Variants in THSD7A observed in about 807,000 individuals in gnomAD.
THSD7A encodes the protein thrombospondin type 1 domain containing 7A, also known as thrombospondin type-1 domain-containing protein 7A.
Under a neutral mutation model 231.3 loss-of-function variants are expected in THSD7A, and 96 were observed. The ratio of observed to expected loss-of-function variants is 0.41; its 90% CI spans 0.35 to 0.49. The LOEUF (loss-of-function observed/expected upper bound fraction) is 0.49. THSD7A is among the 20% of genes least tolerant of loss of function. The pLI, the probability that THSD7A is intolerant of heterozygous loss-of-function variation, is 0.05. For missense variants in THSD7A, 2,290 were observed against 2,070.2 expected (o/e 1.11, Z -2.06); for synonymous variants, 940 against 743.3 (o/e 1.26, Z -4.30).
At chr7:11,501,953 T>C (rs1488757877) in intron 6 of THSD7A, among the ~76,000 whole-genome samples, 1 of 152,056 alleles carries the variant, frequency 6.6e-6, no homozygotes, top group East Asian at 1.9e-4. Context: ...ATGTTACCAC[T>C]GATCCCACAG....
chr7:11,538,138 T>C (rs923881357), intron 6 of THSD7A, among the ~76,000 whole-genome samples: 9 of 152,212 alleles, frequency 5.9e-5, no homozygotes, highest in African/African-American at 1.9e-4. Flanking sequence ...GCCCATGTCA[T>C]TGGTTAACTT....
chr7:11,645,721 T>A (rs1782255108), intron 1 of THSD7A, among the ~76,000 whole-genome samples: 1 of 151,848 alleles, frequency 6.6e-6, no homozygotes, highest in African/African-American at 2.4e-5. Flanking sequence ...ATGTTTTATT[T>A]CATATTTATA....
chr7:11,640,838 A>G (rs570235323), intron 1 of THSD7A, among the ~76,000 whole-genome samples: 1 of 152,284 alleles, frequency 6.6e-6, no homozygotes, highest in African/African-American at 2.4e-5. Flanking sequence ...TTATAACACC[A>G]TGAATCAAAT....
rs1268720155 is a variant in THSD7A at position 11,406,308 on chromosome 7, G to T, written c.4229C>A (p.Pro1410His). Residue 1410 changes from proline (P) to histidine (H), a missense_variant, in exon 22 of 28, where the codon CCT (proline) becomes CAT (histidine). Pro to His is a moderately conservative substitution (Grantham distance 77). Transcript: ENST00000423059. This position sits in a 1 kb window ranked among gnomAD's most constrained non-coding sequence, Gnocchi z 4.7. ...TCCTTTGCCGTTGTTACCTGGGCAA[G>T]GCTGGCTGCAGGATTCCTCCAGAAC... Reference protein sequence around the residue: ...NMVLEESCSQPCPGDCYLKDW... With the variant: ...NMVLEESCSQHCPGDCYLKDW... 6.2e-7 allele frequency: 1 copy of T among 1,608,358 alleles called. No individual in the cohort carries two copies. Among genetic ancestry groups the T allele is most frequent in the African/African-American group, 1.3e-5 (1 of 74,672 alleles).
intron 23 of THSD7A, among the ~76,000 whole-genome samples, chr7:11,399,959 C>T (rs1363442363): frequency 2.0e-5 from 3 of 152,064 alleles, no homozygotes; most frequent in Non-Finnish European, 2.9e-5. Flanking sequence ...GGCACATATA[C>T]ACCATGGAAT....
At chr7:11,512,159 A>T (rs559158396) in intron 6 of THSD7A, among the ~76,000 whole-genome samples, 1 of 152,338 alleles carries the variant, frequency 6.6e-6, no homozygotes, top group African/African-American at 2.4e-5. Context: ...GAAGACATTT[A>T]TGTAGCCAAA....
intron 1 of THSD7A, among the ~76,000 whole-genome samples, chr7:11,673,976 G>A (rs1783526816): frequency 6.6e-6 from 1 of 151,954 alleles, no homozygotes; most frequent in South Asian, 2.1e-4. Context: ...GCCCTGTCCA[G>A]GGATCTTCGA....
chr7:11,745,148 G>A (rs1321545996), intron 1 of THSD7A, among the ~76,000 whole-genome samples: 3 of 152,128 alleles, frequency 2.0e-5, no homozygotes, highest in Non-Finnish European at 4.4e-5. Context: ...ACTGGTGTGA[G>A]ATGGTATCTC....
In THSD7A at chr7:11,446,462, A is replaced by G; in HGVS notation, c.2801-138T>C. ...TAACAGTAGCCTATAAATCAATGCT[A>G]TTTTCTCATTCCACAGTGTTTTCTA... On this transcript the variant is annotated intron_variant, in intron 12 of 27. Transcript: ENST00000423059. The surrounding 1 kb of genome is among the most constrained non-coding windows in gnomAD (Gnocchi z 4.0). The G allele has an allele frequency of 9.8e-7, 1 of 1,017,794 alleles. No homozygotes were observed. The highest frequency in any genetic ancestry group is 1.4e-6 in the Non-Finnish European group (1 of 699,304). The allele number at this position is 1,017,794 out of a possible 1,614,324, so 63.0% of individuals were successfully genotyped here. A position where few individuals can be genotyped will look rare whatever the true frequency, so the allele number is the denominator to read the frequency against.
intron 7 of THSD7A, among the ~76,000 whole-genome samples, chr7:11,476,354 CACACACACCATT>C (rs1562640773): frequency 6.7e-6 from 1 of 149,992 alleles, no homozygotes; most frequent in African/African-American, 2.5e-5. Context: ...CACACACACA[CACACACACCATT>C]TTTTTAAGTG....
At chr7:11,426,925 C>T (rs1191051905) in intron 14 of THSD7A, among the ~76,000 whole-genome samples, 1 of 152,046 alleles carries the variant, frequency 6.6e-6, no homozygotes, top group Non-Finnish European at 1.5e-5. Flanking sequence ...ATTAGATGGG[C>T]AGGATGGAGA....
chr7:11,636,792 C>T lies in THSD7A; in HGVS notation c.360G>A (p.Glu120=). The change falls in exon 2 of 28, where the codon GAG becomes GAA. Residue 120 remains glutamate (E), a synonymous_variant. Coordinates refer to ENST00000423059, the MANE Select transcript of THSD7A (RefSeq NM_015204.3). The surrounding 1 kb of genome is among the most constrained non-coding windows in gnomAD (Gnocchi z 10.0). The stretch of plus-strand genomic sequence containing the variant: ...AAGGTCCCAGTCTCCAGTCGTACAA[C>T]TCTTTGTGCCAATCGCAAACTTTGA... ...NCFKVCDWHK[E]LYDWRLGPWN... is the part of the protein sequence containing the mutation. The T allele has an allele frequency of 6.2e-7, 1 of 1,613,992 alleles. No homozygotes were observed. The highest frequency in any genetic ancestry group is 1.3e-5 in the African/African-American group (1 of 75,042).
intron 4 of THSD7A, among the ~76,000 whole-genome samples, chr7:11,554,381 A>T (rs1226843815): frequency 1.3e-5 from 2 of 152,058 alleles, no homozygotes; most frequent in Non-Finnish European, 2.9e-5. Context: ...CCAGTAGACC[A>T]TTTGTTCCAG....
rs2128341018 is a variant in THSD7A at position 11,590,780 on chromosome 7, G to A, written c.1272-139C>T. On this transcript the variant is annotated intron_variant, in intron 3 of 27. Coordinates refer to ENST00000423059, the MANE Select transcript of THSD7A (RefSeq NM_015204.3). This position sits in a 1 kb window ranked among gnomAD's most constrained non-coding sequence, Gnocchi z 4.4. ...ATCCATCGTAGACTACATCTATGGT[G>A]CATATTTGGTTTCAACTCCTTTATG... 1 of 1,014,292 alleles carries A rather than the reference G, an allele frequency of 9.9e-7. No individual in the cohort carries two copies. The highest frequency in any genetic ancestry group is 1.4e-6 in the Non-Finnish European group (1 of 723,202). 62.8% of individuals were successfully genotyped at this position (1,014,292 alleles called of 1,614,324 possible).
chr7:11,769,120 GC>G (rs1783124377), intron 1 of THSD7A, among the ~76,000 whole-genome samples: 3 of 57,976 alleles, frequency 5.2e-5, no homozygotes. Flanking sequence ...ATAATTCCTG[GC>G]AATATATATA....
chr7:11,426,534 T>C (rs1292496729), intron 15 of THSD7A, 132 bp downstream of exon 15: 1 of 994,272 alleles, frequency 1.0e-6, no homozygotes, highest in Non-Finnish European at 1.4e-6. Context: ...AAAAATTCTT[T>C]AATGGAAAAT....
intron 23 of THSD7A, chr7:11,384,126 T>C (rs937443945): frequency 7.2e-5 from 11 of 151,840 alleles, no homozygotes; most frequent in African/African-American, 2.7e-4. Flanking sequence ...CAATTTTGTT[T>C]TTTGATCATT....
rs1783123443 is a variant in THSD7A, at chr7:11,394,913, T to G, written c.4411+6882A>C. On this transcript the variant is annotated intron_variant, in intron 23 of 27. Coordinates refer to ENST00000423059, the MANE Select transcript of THSD7A (RefSeq NM_015204.3). The stretch of plus-strand genomic sequence containing the variant: ...ACTATGAAGAAACTGCATCAACTAA[T>G]GGTCAAAATAACCAGCTAGGATCAC... Among the ~76,000 whole-genome samples the G allele has an allele frequency of 2.0e-5, 3 of 152,152 alleles. No individual in the cohort carries two copies. The South Asian group carries it at 6.2e-4, about 31-fold the overall frequency.
At chr7:11,570,001 C>A (rs1002551243) in intron 4 of THSD7A, among the ~76,000 whole-genome samples, 5 of 151,800 alleles carry the variant, frequency 3.3e-5, no homozygotes, top group African/African-American at 1.2e-4. Context: ...GCAAAACCCC[C>A]TCTCTACAAA....
Sources: gnomAD v4.1 joint callset for allele counts (sites outside exome capture counted in the v4.1 genomes callset) on GRCh38, gnomAD v4.1.1 for gene constraint, Gnocchi (gnomAD v3.1) non-coding constraint, MANE v1.5 for transcripts, NCBI Gene and HGNC (gene_info 2026-07-23, HGNC 2026-07-21) for gene names.